Variants in CABIN1 observed in about 807,000 individuals in gnomAD.
The protein encoded by CABIN1 is calcineurin binding protein 1.
CABIN1 carries 133 observed loss-of-function variants against 227.7 expected under a neutral mutation model. That is an observed-to-expected ratio of 0.58 (90% CI 0.51 to 0.67). The LOEUF is 0.67. Ranked by LOEUF, CABIN1 falls within the 30% of genes least tolerant of loss-of-function variation. The pLI, the probability that CABIN1 is intolerant of heterozygous loss-of-function variation, is 0.00. For missense variants in CABIN1, 2,408 were observed against 2,852.5 expected, an observed-to-expected ratio of 0.84 and a Z score of 3.55; for synonymous variants, 1,086 against 1,155.1, an observed-to-expected ratio of 0.94 and a Z score of 1.21.
At chr22:24,143,523 C>T (rs374720251) in intron 29 of CABIN1, among the ~76,000 whole-genome samples, 23 of 152,282 alleles carry the variant, frequency 1.5e-4, no homozygotes, top group Admixed American at 3.3e-4. Flanking sequence ...AGCCTACAGG[C>T]GTGTCCTGGG....
At chr22:24,046,244 A>C (rs1601769626) in intron 6 of CABIN1, among the ~76,000 whole-genome samples, 2 of 152,164 alleles carry the variant, frequency 1.3e-5, no homozygotes, top group African/African-American at 4.8e-5. Flanking sequence ...TATTATGTGC[A>C]TTTGCACAAT....
At chr22:24,025,294 C>T (rs775717397) in intron 1 of CABIN1, among the ~76,000 whole-genome samples, 4 of 151,956 alleles carry the variant, frequency 2.6e-5, no homozygotes, top group Admixed American at 2.0e-4. Flanking sequence ...TTTGGTCAGC[C>T]AGTGACCTGA....
At position 24,128,285 on chromosome 22, in the gene CABIN1, CA is replaced by C. The variant is rs371611435; in HGVS notation, c.4633-6016del. On this transcript the variant is annotated intron_variant, in intron 28 of 36. Transcript: ENST00000263119. ...TTGATTGCATGACTTCTAATGCCTACACAGGATTCTCGGGGCGGGGGGAGGG... is the reference window on the plus strand; with the variant it reads ...TTGATTGCATGACTTCTAATGCCTACCAGGATTCTCGGGGCGGGGGGAGGG... 1.5e-4 allele frequency among the ~76,000 whole-genome samples: 22 copies of C among 142,936 alleles called. No homozygotes were observed. The South Asian group carries it at 3.2e-3, about 21-fold the overall frequency. The allele number at this position is 142,936 out of a possible 152,430, so 93.8% of individuals were successfully genotyped here. A position where few individuals can be genotyped will look rare whatever the true frequency, so the allele number is the denominator to read the frequency against.
chr22:24,053,462 C>G (rs1283637766), intron 8 of CABIN1, among the ~76,000 whole-genome samples: 1 of 152,102 alleles, frequency 6.6e-6, no homozygotes, highest in Non-Finnish European at 1.5e-5. Context: ...ACTGCAACCT[C>G]CACCTCCCAG....
chr22:24,137,668 G>A (rs955227975), intron 29 of CABIN1, among the ~76,000 whole-genome samples: 4 of 152,270 alleles, frequency 2.6e-5, no homozygotes, highest in African/African-American at 7.2e-5. Flanking sequence ...TCTCTTTAGA[G>A]ATAGGTTTGG....
intron 27 of CABIN1, 57 bp from the exon 28 acceptor site, chr22:24,119,310 C>T: frequency 2.1e-6 from 3 of 1,460,826 alleles, no homozygotes; most frequent in Non-Finnish European, 2.9e-6. Context: ...TGGTAGACCA[C>T]TGCATGGACA....
Position 24,085,099 on chromosome 22 carries a change from C to T in CABIN1, c.3211C>T (p.Gln1071Ter). 6.2e-7 allele frequency: 1 copy of T among 1,614,194 alleles called. No individual in the cohort carries two copies. Among genetic ancestry groups the T allele is most frequent in the African/African-American group, 1.3e-5 (1 of 75,044 alleles). The part of the protein sequence containing the change: ...LADYHFKNKE[Q>*]SKAIKFYMHD... ...TGATTATCATTTCAAAAACAAGGAG[C>T]AGTCCAAGGCCATCAAGTTCTACAT... Residue 1071 changes from glutamine to a stop codon, truncating the protein, a stop_gained, in exon 22 of 37, where the codon CAG becomes TAG. Transcript: ENST00000263119. LOFTEE classifies it high-confidence loss of function.
intron 22 of CABIN1, among the ~76,000 whole-genome samples, chr22:24,086,612 G>A (rs1045028170): frequency 5.3e-5 from 8 of 152,242 alleles, no homozygotes; most frequent in Non-Finnish European, 1.0e-4. Flanking sequence ...CATTAAGGAC[G>A]ATTGGCATGT....
intron 1 of CABIN1, among the ~76,000 whole-genome samples, chr22:24,031,273 G>T (rs1314320875): frequency 1.3e-5 from 2 of 152,198 alleles, no homozygotes; most frequent in Non-Finnish European, 2.9e-5. Context: ...CTGCCTCTGT[G>T]GGGTGGCAGG....
chr22:24,032,557 G>A (rs575088659), intron 1 of CABIN1, among the ~76,000 whole-genome samples: 2 of 152,282 alleles, frequency 1.3e-5, no homozygotes, highest in South Asian at 2.1e-4. Flanking sequence ...CTGAGGAACT[G>A]CCATACCTTT....
chr22:24,039,264 G>C (rs1345145026), intron 4 of CABIN1, among the ~76,000 whole-genome samples: 1 of 152,184 alleles, frequency 6.6e-6, no homozygotes, highest in Admixed American at 6.5e-5. Flanking sequence ...GAGTTGAGCA[G>C]AGTCTCCTGT....
intron 22 of CABIN1, among the ~76,000 whole-genome samples, chr22:24,086,974 A>G (rs2041211475): frequency 6.6e-6 from 1 of 152,138 alleles, no homozygotes; most frequent in Non-Finnish European, 1.5e-5. Context: ...TGTGCTAATG[A>G]CAGGCTCTGC....
intron 1 of CABIN1, among the ~76,000 whole-genome samples, chr22:24,033,684 C>G (rs922606683): frequency 3.3e-5 from 5 of 152,198 alleles, no homozygotes; most frequent in African/African-American, 9.6e-5. Context: ...GAGTCTACCT[C>G]CTAGTGGGAT....
rs185237636 is a variant in CABIN1 at position 24,091,592 on chromosome 22, C to T, written c.3535C>T (p.Arg1179Trp). The T allele has an allele frequency of 7.8e-5, 126 of 1,614,140 alleles. No individual in the cohort carries two copies. In the Admixed American group the frequency reaches 1.1e-3, roughly 14 times the overall value. ...CATGATCTTCTTACAGATGGAGGGC[C>T]GGCGCGACAGCATGCTAGAGACAGC... ...PPELVQQMEG[R>W]RDSMLETAKH... Residue 1179 changes from arginine (R) to tryptophan (W), a missense_variant, in exon 24 of 37, where the codon CGG (arginine) becomes TGG (tryptophan). This residue lies in a region of CABIN1 where 649 missense variants were observed against 910.3 expected (regional missense o/e 0.71). Coordinates refer to ENST00000263119, the MANE Select transcript of CABIN1 (RefSeq NM_012295.4).
In CABIN1 at chr22:24,143,603, G is replaced by T. The variant is rs531621211; in HGVS notation, c.4746+9188G>T. Among the ~76,000 whole-genome samples, 21 of 152,300 alleles carry T rather than the reference G, an allele frequency of 1.4e-4. No individual in the cohort carries two copies. The East Asian group carries it at 2.5e-3, about 18-fold the overall frequency. On this transcript the variant is annotated intron_variant, in intron 29 of 36. Transcript: ENST00000263119. ...CCTGCCTGCAGTGCCACAGCAGCTG[G>T]GCCTGGCTGTGCCTGGCCTTGTTGG...
intron 19 of CABIN1, among the ~76,000 whole-genome samples, chr22:24,081,664 T>C (rs972193059): frequency 6.6e-6 from 1 of 152,224 alleles, no homozygotes; most frequent in African/African-American, 2.4e-5. Flanking sequence ...GTATTGTTTC[T>C]AACTTACTGA....
At chr22:24,085,265 C>T (rs1440998271) in intron 22 of CABIN1, 114 bp downstream of exon 22, 7 of 1,138,926 alleles carry the variant, frequency 6.1e-6, no homozygotes, top group African/African-American at 1.5e-5. Flanking sequence ...GCAAAGAGAC[C>T]AGGGAAAACG....
intron 8 of CABIN1, among the ~76,000 whole-genome samples, chr22:24,052,830 G>A (rs571703307): frequency 2.6e-4 from 39 of 151,800 alleles, no homozygotes; most frequent in Non-Finnish European, 5.4e-4. Context: ...TTTGCTGCAG[G>A]GCACAGTTTA....
chr22:24,120,403 G>T (rs1241302797), intron 28 of CABIN1, among the ~76,000 whole-genome samples: 1 of 152,178 alleles, frequency 6.6e-6, no homozygotes, highest in Non-Finnish European at 1.5e-5. Context: ...AATGTGGCCT[G>T]GGCAGGACGT....
Sources: gnomAD v4.1 joint callset for allele counts (sites outside exome capture counted in the v4.1 genomes callset) on GRCh38, gnomAD v4.1.1 for gene constraint, gnomAD v4.1.1 regional missense constraint, MANE v1.5 for transcripts, NCBI Gene and HGNC (gene_info 2026-07-23, HGNC 2026-07-21) for gene names.